Variants in MED12L observed in about 807,000 individuals in gnomAD.
The protein encoded by MED12L is mediator complex subunit 12L.
A neutral mutation model predicts 281.3 loss-of-function variants in MED12L; 60 were observed. That is an observed-to-expected ratio of 0.21 (90% CI 0.17 to 0.26). The LOEUF (loss-of-function observed/expected upper bound fraction) is 0.26, where lower values mean the gene tolerates loss of function less well. MED12L is among the 10% of genes least tolerant of loss of function. The probability of loss-of-function intolerance (pLI) is 1.00; values close to 1 mark genes in which losing one functional copy is unlikely to be tolerated. For synonymous variants in MED12L, 974 were observed against 987.2 expected (o/e 0.99, Z 0.25); for missense variants, 2,146 against 2,680.9 (o/e 0.80, Z 4.41).
At chr3:151,152,910 T>G (rs1718747743) in intron 5 of MED12L, among the ~76,000 whole-genome samples, 1 of 152,256 alleles carries the variant, frequency 6.6e-6, no homozygotes, top group South Asian at 2.1e-4. Flanking sequence ...GCTCTGTATT[T>G]GCCTCCATGG....
chr3:151,140,956 A>G (rs1716846372), intron 5 of MED12L, among the ~76,000 whole-genome samples: 1 of 151,460 alleles, frequency 6.6e-6, no homozygotes, highest in South Asian at 2.1e-4. Context: ...CAAACTCCGC[A>G]TCCCAGGTTC....
At chr3:151,201,871 T>C (rs1256841878) in intron 16 of MED12L, among the ~76,000 whole-genome samples, 2 of 152,242 alleles carry the variant, frequency 1.3e-5, no homozygotes, top group Non-Finnish European at 2.9e-5. Context: ...CTATTTCAAA[T>C]ATTACATAAT....
intron 16 of MED12L, among the ~76,000 whole-genome samples, chr3:151,242,106 C>G (rs932956829): frequency 8.5e-5 from 13 of 152,360 alleles, no homozygotes; most frequent in African/African-American, 3.1e-4. Context: ...TATCCCGCAC[C>G]TGGCTCGGAG....
Position 151,372,585 on chromosome 3 carries a change from A to G in MED12L, c.3683A>G (p.Asn1228Ser), listed in dbSNP as rs371550701. ...IMMLGDAKIG[N>S]NSVSSLKNDD... is the part of the protein sequence containing the mutation. The stretch of plus-strand genomic sequence containing the variant: ...TACTTAGGAGATGCCAAAATTGGCA[A>G]TAACAGTGTCAGCTCTTTAAAGAAT... Residue 1228 changes from asparagine (N) to serine (S), a missense_variant, in exon 27 of 45, where the codon AAT becomes AGT. Coordinates refer to ENST00000687756, the MANE Select transcript of MED12L (RefSeq NM_001393769.1). The G allele has an allele frequency of 1.2e-5, 19 of 1,613,704 alleles. No individual in the cohort carries two copies. The highest frequency in any genetic ancestry group is 3.3e-5 in the South Asian group (3 of 91,078).
At chr3:151,168,357 T>TA (rs1444444106) in intron 11 of MED12L, among the ~76,000 whole-genome samples, 4 of 152,358 alleles carry the variant, frequency 2.6e-5, no homozygotes, top group East Asian at 3.9e-4. Flanking sequence ...TGAAAGTTTT[T>TA]ACTAAAAAAA....
At chr3:151,213,601 A>C (rs1207165608) in intron 16 of MED12L, 1 of 1,614,160 alleles carries the variant, frequency 6.2e-7, no homozygotes, top group Non-Finnish European at 8.5e-7. Flanking sequence ...AAACACAAAC[A>C]CGATGCTGAA....
In MED12L at chr3:151,388,144, G is replaced by A. The variant is rs149611856; in HGVS notation, c.5423G>A (p.Arg1808His). The A allele has an allele frequency of 2.0e-5, 32 of 1,604,060 alleles. No homozygotes were observed. Among genetic ancestry groups the A allele is most frequent in the Admixed American group, 5.0e-5 (3 of 59,536 alleles). Residue 1808 changes from arginine (R) to histidine (H), a missense_variant, in exon 37 of 45, where the codon CGC becomes CAC. Physicochemically the swap from Arg to His is conservative, Grantham distance 29. Transcript: ENST00000687756. The part of the protein sequence containing the change: ...DEEKKTKGRK[R>H]KTKSSSRVDE... ...GAAAAGAAAACAAAAGGAAGGAAGC[G>A]CAAGACGAAATCTAGCTCAAGAGTT... is the stretch of plus-strand genomic sequence containing the variant.
chr3:151,117,303 C>T (rs996469020), intron 3 of MED12L, among the ~76,000 whole-genome samples: 2 of 152,124 alleles, frequency 1.3e-5, no homozygotes, highest in Non-Finnish European at 2.9e-5. Flanking sequence ...TCCTTGTCAT[C>T]CTTTGAGCAC....
chr3:151,236,435 A>G (rs867325907), intron 16 of MED12L, among the ~76,000 whole-genome samples: 6 of 152,192 alleles, frequency 3.9e-5, no homozygotes, highest in Non-Finnish European at 8.8e-5. Context: ...AGCAAGGATG[A>G]CTTTTTACAG....
Position 151,269,442 on chromosome 3 carries a change from A to C in MED12L, c.2250+75776A>C, listed in dbSNP as rs6762875. On this transcript the variant is annotated intron_variant, in intron 16 of 44. Transcript: ENST00000687756. ...ACACACACACACACACACACACACAAAATTCAGAGACTTAATGAACAAGCC... is the reference window on the plus strand; with the variant it reads ...ACACACACACACACACACACACACACAATTCAGAGACTTAATGAACAAGCC... The C allele has an allele frequency of 1.1e-3, 192 of 178,022 alleles. 1 individual carries two copies. The highest frequency in any genetic ancestry group is 7.9e-3 in the African/African-American group (176 of 22,380). 11.0% of individuals were successfully genotyped at this position (178,022 alleles called of 1,614,324 possible).
At chr3:151,148,696 A>T (rs1245387861) in intron 5 of MED12L, among the ~76,000 whole-genome samples, 2 of 152,058 alleles carry the variant, frequency 1.3e-5, no homozygotes, top group Admixed American at 6.6e-5. Flanking sequence ...TTGGAGTTTT[A>T]AAAAAAACAA....
At chr3:151,408,579 C>A (rs1716600666) in intron 39 of MED12L, among the ~76,000 whole-genome samples, 1 of 152,130 alleles carries the variant, frequency 6.6e-6, no homozygotes, top group South Asian at 2.1e-4. Flanking sequence ...AACACACATA[C>A]CATTGCTCTT....
Position 151,086,847 on chromosome 3 carries a change from C to T in MED12L, c.-80C>T. The T allele has an allele frequency of 8.8e-7, 1 of 1,142,536 alleles. No homozygotes were observed. The highest frequency in any genetic ancestry group is 1.2e-6 in the Non-Finnish European group (1 of 806,948). 70.8% of individuals were successfully genotyped at this position (1,142,536 alleles called of 1,614,324 possible). A position where few individuals can be genotyped will look rare whatever the true frequency, so the allele number is the denominator to read the frequency against. On this transcript the variant is annotated 5_prime_UTR_variant, in exon 2 of 45. Transcript: ENST00000687756. ...GAGGGGGAGAGAGGGAGTCTGTCTG[C>T]AAAGTGCTGCTCCCTGGTGCTCAGA...
intron 43 of MED12L, among the ~76,000 whole-genome samples, chr3:151,418,728 T>A (rs1717913719): frequency 6.6e-6 from 1 of 152,200 alleles, no homozygotes; most frequent in African/African-American, 2.4e-5. Flanking sequence ...AATTAATAAT[T>A]TATGAGAATA....
At chr3:151,309,114 T>TACAC (rs1553775101) in intron 16 of MED12L, among the ~76,000 whole-genome samples, 3,677 of 138,036 alleles carry the variant, frequency 0.027, 66 homozygotes, top group South Asian at 0.078. Context: ...TTTCATGAAA[T>TACAC]ACACGCACAC....
intron 2 of MED12L, among the ~76,000 whole-genome samples, chr3:151,088,012 T>C (rs919654609): frequency 6.6e-6 from 1 of 152,222 alleles, no homozygotes; most frequent in East Asian, 1.9e-4. Context: ...TTTCTGAGAA[T>C]CTAAAAACCC....
chr3:151,357,098 T>A, intron 19 of MED12L, 115 bp from the exon 20 acceptor site: 1 of 895,602 alleles, frequency 1.1e-6, no homozygotes, highest in Non-Finnish European at 1.6e-6. Context: ...AAAGTTAAAT[T>A]TAGGGAATGT....
chr3:151,397,857 C>A (rs778450742), intron 39 of MED12L, among the ~76,000 whole-genome samples: 3 of 152,094 alleles, frequency 2.0e-5, no homozygotes, highest in Non-Finnish European at 2.9e-5. Context: ...ATATAACAAA[C>A]ATATTAGAGA....
intron 2 of MED12L, among the ~76,000 whole-genome samples, chr3:151,088,350 C>T (rs1277224784): frequency 2.0e-5 from 3 of 152,096 alleles, no homozygotes; most frequent in African/African-American, 7.2e-5. Context: ...TACCCGTTAC[C>T]CCACCCTGCT....
Sources: gnomAD v4.1 joint callset for allele counts (sites outside exome capture counted in the v4.1 genomes callset) on GRCh38, gnomAD v4.1.1 for gene constraint, MANE v1.5 for transcripts, NCBI Gene and HGNC (gene_info 2026-07-23, HGNC 2026-07-21) for gene names.